SOX6: variants seen among roughly 807,000 people sequenced by gnomAD.
The protein encoded by SOX6 is SRY-box transcription factor 6.
In SOX6, 11 loss-of-function variants were observed where a neutral mutation model predicts 97.8. The ratio of observed to expected loss-of-function variants is 0.11; its 90% confidence interval spans 0.07 to 0.19. The LOEUF is 0.19. Among genes scored for constraint, SOX6 ranks in the 10% least tolerant of loss-of-function variants. The pLI, the probability that SOX6 is intolerant of heterozygous loss-of-function variation, is 1.00. For synonymous variants in SOX6, 360 were observed against 371.4 expected (o/e 0.97, Z 0.35); for missense variants, 810 against 1,039.5 (o/e 0.78, Z 3.04).
At chr11:16,486,590 G>A (rs1395909773) in intron 4 of SOX6, among the ~76,000 whole-genome samples, 2 of 152,178 alleles carry the variant, frequency 1.3e-5, no homozygotes, top group Admixed American at 6.5e-5. Context: ...GCTGGGTGCG[G>A]TGGCTCACGC....
At chr11:16,334,564 A>T (rs1856402633) in intron 2 of SOX6, among the ~76,000 whole-genome samples, 1 of 151,834 alleles carries the variant, frequency 6.6e-6, no homozygotes. Flanking sequence ...AGTAGCTGGG[A>T]CCACAGGCAC....
intron 2 of SOX6, among the ~76,000 whole-genome samples, chr11:16,734,209 G>T (rs1320995534): frequency 6.6e-6 from 1 of 151,916 alleles, no homozygotes; most frequent in Non-Finnish European, 1.5e-5. Context: ...TGACAAATCT[G>T]CCTGCCCAAT....
At chr11:16,194,663 A>G (rs35704251) in intron 4 of SOX6, among the ~76,000 whole-genome samples, 1 of 152,172 alleles carries the variant, frequency 6.6e-6, no homozygotes, top group Non-Finnish European at 1.5e-5. Flanking sequence ...AAACTCTCCT[A>G]TACCAGGCAC....
chr11:16,336,095 A>C (rs1856451539), intron 2 of SOX6, among the ~76,000 whole-genome samples: 1 of 152,220 alleles, frequency 6.6e-6, no homozygotes, highest in African/African-American at 2.4e-5. Context: ...TTAGACTAGT[A>C]GTTAAAAGCC....
chr11:16,501,191 C>CA (rs1860701090), intron 4 of SOX6, among the ~76,000 whole-genome samples: 1 of 152,006 alleles, frequency 6.6e-6, no homozygotes, highest in Non-Finnish European at 1.5e-5. Context: ...ACAAACCTGA[C>CA]AAAAATAGGA....
chr11:16,575,754 G>A (rs1444409178), intron 4 of SOX6, among the ~76,000 whole-genome samples: 3 of 152,126 alleles, frequency 2.0e-5, no homozygotes, highest in Non-Finnish European at 4.4e-5. Context: ...AATGGTGATG[G>A]GGTAACACTA....
chr11:16,204,130 C>G (rs1357945708), intron 4 of SOX6, among the ~76,000 whole-genome samples: 1 of 151,762 alleles, frequency 6.6e-6, no homozygotes, highest in Non-Finnish European at 1.5e-5. Flanking sequence ...AAAAAAAACA[C>G]CACTTTTTAA....
intron 3 of SOX6, chr11:16,283,656 T>C: frequency 5.7e-6 from 1 of 176,278 alleles, no homozygotes; most frequent in South Asian, 1.1e-4. Flanking sequence ...ATTAAGAACA[T>C]TTTTATTTTT....
intron 4 of SOX6, among the ~76,000 whole-genome samples, chr11:16,516,240 G>A (rs1204359698): frequency 1.3e-5 from 2 of 151,656 alleles, no homozygotes; most frequent in South Asian, 2.1e-4. Context: ...GTGGTTTGTA[G>A]TTCTCCTTGA....
chr11:15,984,414 G>C (rs1853762107), intron 15 of SOX6, among the ~76,000 whole-genome samples: 1 of 152,190 alleles, frequency 6.6e-6, no homozygotes, highest in Non-Finnish European at 1.5e-5. Context: ...GAACATGACT[G>C]AGGGAGGGCA....
chr11:16,573,323 A>G (rs2133200365), intron 4 of SOX6, among the ~76,000 whole-genome samples: 1 of 152,340 alleles, frequency 6.6e-6, no homozygotes, highest in East Asian at 1.9e-4. Flanking sequence ...GACAGAATAA[A>G]TTATATTTTA....
At chr11:16,319,611 C>T (rs770196603) in intron 2 of SOX6, among the ~76,000 whole-genome samples, 6 of 150,674 alleles carry the variant, frequency 4.0e-5, no homozygotes, top group East Asian at 2.0e-4. Flanking sequence ...TTTGTCCTTG[C>T]GATAGTTTGC....
chr11:16,021,717 A>T (rs563152247), intron 12 of SOX6, among the ~76,000 whole-genome samples: 1 of 152,070 alleles, frequency 6.6e-6, no homozygotes, highest in Non-Finnish European at 1.5e-5. Context: ...TACATTTTTA[A>T]CACCAAAATT....
At chr11:16,363,562 T>C (rs1857265129) in intron 1 of SOX6, among the ~76,000 whole-genome samples, 1 of 152,138 alleles carries the variant, frequency 6.6e-6, no homozygotes, top group Non-Finnish European at 1.5e-5. Flanking sequence ...TAAATCACAA[T>C]GGTAGGTGGT....
chr11:16,453,963 A>G (rs1242667163), intron 1 of SOX6, among the ~76,000 whole-genome samples: 4 of 152,166 alleles, frequency 2.6e-5, no homozygotes. Context: ...TCTTGCTGAT[A>G]TAAGTGAATT....
intron 13 of SOX6, among the ~76,000 whole-genome samples, chr11:16,011,752 G>C (rs1408624362): frequency 6.6e-6 from 1 of 152,014 alleles, no homozygotes; most frequent in African/African-American, 2.4e-5. Flanking sequence ...GGGTAGACAT[G>C]GGGGGAGGGC....
At chr11:16,507,588 C>T (rs1196931581) in intron 4 of SOX6, among the ~76,000 whole-genome samples, 1 of 152,068 alleles carries the variant, frequency 6.6e-6, no homozygotes, top group Non-Finnish European at 1.5e-5. Context: ...TGGAACAATA[C>T]AGAGAACCCA....
intron 3 of SOX6, among the ~76,000 whole-genome samples, chr11:16,617,068 A>C (rs1174926781): frequency 6.6e-6 from 1 of 151,932 alleles, no homozygotes; most frequent in Non-Finnish European, 1.5e-5. Context: ...TCCCAAATTC[A>C]AACAAACAAA....
chr11:16,137,232 T>C (rs1849990883), intron 6 of SOX6, among the ~76,000 whole-genome samples: 1 of 151,986 alleles, frequency 6.6e-6, no homozygotes, highest in Non-Finnish European at 1.5e-5. Context: ...GCTCAGGAGT[T>C]TGAAATCACC....
Sources: allele counts gnomAD v4.1 joint callset (sites outside exome capture counted in the v4.1 genomes callset), GRCh38; gene constraint gnomAD v4.1.1; transcripts MANE v1.5; gene names NCBI Gene and HGNC (gene_info 2026-07-23, HGNC 2026-07-21).